The following KIAA1217 variants were observed in gnomAD, a reference collection of about 807,000 sequenced individuals.
KIAA1217 encodes KIAA1217.
KIAA1217 carries 88 observed loss-of-function variants against 163.9 expected under a neutral mutation model. The ratio of observed to expected loss-of-function variants is 0.54; its 90% confidence interval spans 0.45 to 0.64. The LOEUF is 0.64. Ranked by LOEUF, KIAA1217 falls within the 30% of genes least tolerant of loss-of-function variation. The pLI, the probability that KIAA1217 is intolerant of heterozygous loss-of-function variation, is 0.00. For synonymous variants in KIAA1217, 903 were observed against 923.1 expected (o/e 0.98, Z 0.39); for missense variants, 2,372 against 2,475.0 (o/e 0.96, Z 0.88).
intron 1 of KIAA1217, among the ~76,000 whole-genome samples, chr10:23,911,963 C>T (rs546627563): frequency 6.6e-6 from 1 of 152,266 alleles, no homozygotes; most frequent in Admixed American, 6.5e-5. Context: ...CACTACAGGC[C>T]TGTGGCATCA....
At chr10:24,243,721 GTGTT>G (rs1378218714) in intron 2 of KIAA1217, among the ~76,000 whole-genome samples, 1 of 151,416 alleles carries the variant, frequency 6.6e-6, no homozygotes, top group Non-Finnish European at 1.5e-5. Context: ...ATATATATGT[GTGTT>G]TGTGTGTATA....
Position 24,219,899 on chromosome 10 carries a change from TGA to T in KIAA1217, c.349_350del (p.Asp117ProfsTer18). On this transcript the variant is annotated frameshift_variant, in exon 2 of 21. Coordinates refer to ENST00000376454, the MANE Select transcript of KIAA1217 (RefSeq NM_019590.5). LOFTEE classifies it high-confidence loss of function. ...GCAATCATGGGTCACCAAGAGAGGC[TGA>T]GAGACCAGGTACGAATATGCTCTCA... 1 of 1,599,170 alleles carries T rather than the reference TGA, an allele frequency of 6.3e-7. No individual in the cohort carries two copies. The highest frequency in any genetic ancestry group is 8.5e-7 in the Non-Finnish European group (1 of 1,172,416).
intron 3 of KIAA1217, among the ~76,000 whole-genome samples, chr10:24,421,584 T>C (rs1347999231): frequency 6.6e-6 from 1 of 152,226 alleles, no homozygotes. Context: ...AAAACAATCC[T>C]TCTAACATTT....
At chr10:24,068,168 A>T (rs1212391693) in intron 2 of KIAA1217, among the ~76,000 whole-genome samples, 1 of 151,700 alleles carries the variant, frequency 6.6e-6, no homozygotes, top group Non-Finnish European at 1.5e-5. Flanking sequence ...ACTGTCCGGC[A>T]CTCCCCTGTG....
chr10:23,912,771 A>T (rs1050479753), intron 1 of KIAA1217, among the ~76,000 whole-genome samples: 1 of 152,330 alleles, frequency 6.6e-6, no homozygotes, highest in East Asian at 1.9e-4. Flanking sequence ...TTGCCTTTCA[A>T]TGAGATTGAA....
At position 23,799,501 on chromosome 10, in the gene KIAA1217, G is replaced by A. The variant is rs991166876; in HGVS notation, c.-321+104267G>A. Reference sequence around the variant, plus strand: ...TCTTTCCATTTTCCTTTGATTTTTGGACTTTGCAGAGCAGACTGTCACGCT... The same window carrying A: ...TCTTTCCATTTTCCTTTGATTTTTGAACTTTGCAGAGCAGACTGTCACGCT... On this transcript the variant is annotated intron_variant, in intron 1 of 18. Transcript: ENST00000376462. 1.3e-4 allele frequency among the ~76,000 whole-genome samples: 20 copies of A among 152,154 alleles called. No homozygotes were observed. In the East Asian group the frequency reaches 3.5e-3, roughly 26 times the overall value.
intron 1 of KIAA1217, among the ~76,000 whole-genome samples, chr10:23,951,945 T>C (rs1361423604): frequency 6.6e-6 from 1 of 152,204 alleles, no homozygotes; most frequent in African/African-American, 2.4e-5. Context: ...TGAAGTTGTA[T>C]TCACTTTCTT....
chr10:23,742,351 G>C (rs1023104618), intron 1 of KIAA1217, among the ~76,000 whole-genome samples: 2 of 152,252 alleles, frequency 1.3e-5, no homozygotes, highest in South Asian at 2.1e-4. Context: ...TCAGGAGAAG[G>C]GGGTTGTGTT....
chr10:24,071,902 A>T (rs2061200726), intron 2 of KIAA1217, among the ~76,000 whole-genome samples: 1 of 152,170 alleles, frequency 6.6e-6, no homozygotes, highest in South Asian at 2.1e-4. Context: ...AAATAATAGA[A>T]TATTATTTTT....
chr10:24,484,906 C>T, intron 6 of KIAA1217, among the ~76,000 whole-genome samples: 1 of 152,102 alleles, frequency 6.6e-6, no homozygotes, highest in East Asian at 1.9e-4. Context: ...TTTCCTGGTC[C>T]CATCCAGAAC....
intron 1 of KIAA1217, among the ~76,000 whole-genome samples, chr10:23,759,650 G>A (rs747044813): frequency 1.5e-4 from 23 of 152,266 alleles, no homozygotes; most frequent in Non-Finnish European, 2.2e-4. Flanking sequence ...TTCTGTAGAA[G>A]GCAAAAATAA....
chr10:24,449,660 A>G, intron 5 of KIAA1217: 3 of 985,424 alleles, frequency 3.0e-6, no homozygotes, highest in Non-Finnish European at 3.6e-6. Context: ...TTTAGTCACC[A>G]TGAAGACAGG....
chr10:24,426,480 C>T (rs116512743), intron 3 of KIAA1217, among the ~76,000 whole-genome samples: 2,867 of 152,036 alleles, frequency 0.019, 93 homozygotes, highest in African/African-American at 0.066. Context: ...AAAAATTAGC[C>T]GGACATGGGG....
intron 6 of KIAA1217, among the ~76,000 whole-genome samples, chr10:24,483,801 A>G (rs935074878): frequency 9.2e-5 from 14 of 152,176 alleles, no homozygotes; most frequent in Admixed American, 9.2e-4. Context: ...CAGAACACAA[A>G]TGTTCCAGAT....
Position 23,934,935 on chromosome 10 carries a change from G to A in KIAA1217, c.-320-72290G>A, listed in dbSNP as rs1351207620. ...CCTAGCCAAAGTATATTTTTTTAAA[G>A]TTCTGTAGCATAAAACACTAAAAAC... is the stretch of plus-strand genomic sequence containing the variant. On this transcript the variant is annotated intron_variant, in intron 1 of 18. Transcript: ENST00000376462. Among the ~76,000 whole-genome samples the A allele has an allele frequency of 2.6e-5, 4 of 151,894 alleles. No individual in the cohort carries two copies. The South Asian group carries it at 8.3e-4, about 32-fold the overall frequency.
At chr10:23,730,346 G>A (rs1375242003) in intron 1 of KIAA1217, among the ~76,000 whole-genome samples, 1 of 152,046 alleles carries the variant, frequency 6.6e-6, no homozygotes, top group Non-Finnish European at 1.5e-5. Flanking sequence ...CAAATATCAG[G>A]TGATGCTAGT....
In KIAA1217 at chr10:23,790,580, T is replaced by TAC. The variant is rs1453982101; in HGVS notation, c.-321+95347_-321+95348insCA. ...ATGTACATATGTATATATACATATG[T>TAC]ATATGTACATATATACATGTACATA... On this transcript the variant is annotated intron_variant, in intron 1 of 18. Coordinates refer to the KIAA1217 transcript ENST00000376462. Among the ~76,000 whole-genome samples the TAC allele has an allele frequency of 2.6e-4, 31 of 120,762 alleles. 1 individual carries two copies. Among genetic ancestry groups the TAC allele is most frequent in the African/African-American group, 1.1e-3 (27 of 25,246 alleles). 79.2% of individuals were successfully genotyped at this position (120,762 alleles called of 152,430 possible).
chr10:24,142,264 T>G (rs1471345650), intron 2 of KIAA1217, among the ~76,000 whole-genome samples: 1 of 152,216 alleles, frequency 6.6e-6, no homozygotes, highest in Non-Finnish European at 1.5e-5. Context: ...TTCCAGTTAG[T>G]GAATCGAGTA....
intron 2 of KIAA1217, among the ~76,000 whole-genome samples, chr10:24,015,117 C>CCAACAAAG (rs1847416162): frequency 6.6e-6 from 1 of 151,988 alleles, no homozygotes; most frequent in South Asian, 2.1e-4. Flanking sequence ...ACTGATAGAA[C>CCAACAAAG]CAACAAAGTA....
Sources: gnomAD v4.1 joint callset for allele counts (sites outside exome capture counted in the v4.1 genomes callset) on GRCh38, gnomAD v4.1.1 for gene constraint, MANE v1.5 for transcripts, NCBI Gene and HGNC (gene_info 2026-07-23, HGNC 2026-07-21) for gene names.